Variants in PLAA observed in about 807,000 individuals in gnomAD.
PLAA encodes phospholipase A-2-activating protein.
Under a neutral mutation model 84.1 loss-of-function variants are expected in PLAA, and 48 were observed. The ratio of observed to expected loss-of-function variants is 0.57; its 90% CI spans 0.45 to 0.73. PLAA has a LOEUF of 0.73. PLAA is among the 30% of genes least tolerant of loss of function. The probability of loss-of-function intolerance (pLI) is 0.00; values close to 1 mark genes in which losing one functional copy is unlikely to be tolerated. For missense variants in PLAA, 903 were observed against 954.7 expected (o/e 0.95, Z 0.71); for synonymous variants, 392 against 336.6 (o/e 1.16, Z -1.80).
intron 1 of PLAA, among the ~76,000 whole-genome samples, chr9:26,940,613 C>A (rs1825501090): frequency 2.0e-5 from 3 of 152,082 alleles, no homozygotes; most frequent in South Asian, 4.1e-4. Context: ...TACCATTGAA[C>A]TGTACAGTTT....
chr9:26,917,211 G>A (rs573498363), intron 9 of PLAA, 46 bp from the exon 10 acceptor site: 1 of 1,516,288 alleles, frequency 6.6e-7, no homozygotes, highest in African/African-American at 1.4e-5. Flanking sequence ...CCAAAGTTCT[G>A]AATTTTTCAA....
rs141172406 is a variant in PLAA at position 26,905,730 on chromosome 9, G to A, written c.2169C>T (p.Ala723=). The change falls in exon 14 of 14, where the codon GCC becomes GCT. Residue 723 remains alanine (A), a synonymous_variant. Transcript: ENST00000397292. Reference sequence around the variant, plus strand: ...TTGTGCTAATTAGTGACAAACATTGGGCTTTCCCTTCAATGTTATGGTCTT... The same window carrying A: ...TTGTGCTAATTAGTGACAAACATTGAGCTTTCCCTTCAATGTTATGGTCTT... ...FHKDHNIEGK[A]QCLSLISTIL... 1.9e-6 allele frequency: 3 copies of A among 1,613,716 alleles called. No individual in the cohort carries two copies. In the African/African-American group the frequency reaches 4.0e-5, roughly 22 times the overall value.
At chr9:26,914,227 C>T (rs534037255) in intron 10 of PLAA, among the ~76,000 whole-genome samples, 2 of 151,942 alleles carry the variant, frequency 1.3e-5, no homozygotes, top group African/African-American at 4.8e-5. Context: ...TAAAAGTTTC[C>T]AGAATAAAAT....
chr9:26,915,943 A>T, intron 10 of PLAA: 1 of 985,444 alleles, frequency 1.0e-6, no homozygotes, highest in Non-Finnish European at 1.2e-6. Context: ...AAGCCATCTT[A>T]TCTACTCTTC....
At chr9:26,943,772 C>T (rs10967614) in intron 1 of PLAA, among the ~76,000 whole-genome samples, 14,984 of 151,842 alleles carry the variant, frequency 0.099, 1,564 homozygotes, top group East Asian at 0.58. Flanking sequence ...TCTAGTAAGA[C>T]GCTCATCTCT....
intron 1 of PLAA, among the ~76,000 whole-genome samples, chr9:26,944,045 T>C (rs1037427236): frequency 6.6e-6 from 1 of 152,170 alleles, no homozygotes; most frequent in Non-Finnish European, 1.5e-5. Flanking sequence ...TGCAACCATG[T>C]TGAGAAGTAG....
chr9:26,906,188 G>T, intron 13 of PLAA, 112 bp from the exon 14 acceptor site: 1 of 622,964 alleles, frequency 1.6e-6, no homozygotes, highest in Non-Finnish European at 2.5e-6. Flanking sequence ...TTTAGAAAAT[G>T]TGAAAAATCA....
chr9:26,944,117 T>C (rs979386477), intron 1 of PLAA, among the ~76,000 whole-genome samples: 1 of 152,290 alleles, frequency 6.6e-6, no homozygotes, highest in Admixed American at 6.5e-5. Context: ...AATGTCATTA[T>C]TGCGGGACTG....
Position 26,920,212 on chromosome 9 carries a change from T to C in PLAA, c.1197+15A>G. On this transcript the variant is annotated intron_variant, in intron 8 of 13. Transcript: ENST00000397292. ...ATTTAAGACAATAGTAATTAGAAAG[T>C]AGAAGTCGACATACTTTCCCTTCAT... 1 of 1,606,542 alleles carries C rather than the reference T, an allele frequency of 6.2e-7. No homozygotes were observed. Among genetic ancestry groups the C allele is most frequent in the Non-Finnish European group, 8.5e-7 (1 of 1,173,658 alleles).
rs1354785220 is a variant in PLAA at position 26,905,376 on chromosome 9, C to G, written c.*135G>C. On this transcript the variant is annotated 3_prime_UTR_variant, in exon 14 of 14. Transcript: ENST00000397292. ...CAAAAATTTTATTTCTGTTTCCCCT[C>G]CCCACCACTTTACAAGATGTAAAAT... is the stretch of plus-strand genomic sequence containing the variant. The G allele has an allele frequency of 2.9e-6, 2 of 693,108 alleles. No homozygotes were observed. The highest frequency in any genetic ancestry group is 3.6e-5 in the African/African-American group (2 of 55,548). The allele number at this position is 693,108 out of a possible 1,614,324, so 42.9% of individuals were successfully genotyped here. A position where few individuals can be genotyped will look rare whatever the true frequency, so the allele number is the denominator to read the frequency against.
intron 1 of PLAA, among the ~76,000 whole-genome samples, chr9:26,935,998 A>T (rs7045881): frequency 0.11 from 17,155 of 152,082 alleles, 1,084 homozygotes; most frequent in South Asian, 0.23. Context: ...CAACCAGCAG[A>T]TTATGATTTA....
At position 26,909,709 on chromosome 9, in the gene PLAA, C is replaced by CA. The variant is rs1485513014; in HGVS notation, c.1657+628dup. On this transcript the variant is annotated intron_variant, in intron 12 of 13. Transcript: ENST00000397292. The stretch of plus-strand genomic sequence containing the variant: ...GATCTCGGGCTCACTGCAACTCCTC[C>CA]ACCTCCCAGGTTCAAGTGATTCTCG... Among the ~76,000 whole-genome samples the CA allele has an allele frequency of 3.3e-5, 5 of 152,166 alleles. No homozygotes were observed. In the East Asian group the frequency reaches 7.7e-4, roughly 24 times the overall value.
At chr9:26,920,520 T>C (rs1382210995) in intron 7 of PLAA, 136 bp from the exon 8 acceptor site, 6 of 527,624 alleles carry the variant, frequency 1.1e-5, no homozygotes, top group Non-Finnish European at 1.9e-5. Flanking sequence ...TTGTATCAAA[T>C]AAAAGATTTA....
At position 26,905,670 on chromosome 9, in the gene PLAA, A is replaced by T; in HGVS notation, c.2229T>A (p.Phe743Leu). 2 of 1,614,204 alleles carry T rather than the reference A, an allele frequency of 1.2e-6. No individual in the cohort carries two copies. Among genetic ancestry groups the T allele is most frequent in the African/African-American group, 2.7e-5 (2 of 75,076 alleles). The change falls in exon 14 of 14, where the codon TTT becomes TTA. Residue 743 changes from phenylalanine to leucine, a missense_variant. Phe to Leu is a conservative substitution (Grantham distance 22). Coordinates refer to ENST00000397292, the MANE Select transcript of PLAA (RefSeq NM_001031689.3). ...GTGTTCCAAGAGCCACAAGAAGTCTAAAAGTGGCTTCTAGGTCTTGTACTA... is the reference window on the plus strand; with the variant it reads ...GTGTTCCAAGAGCCACAAGAAGTCTTAAAGTGGCTTCTAGGTCTTGTACTA... Reference protein sequence around the residue: ...LEVVQDLEATFRLLVALGTLI... With the variant: ...LEVVQDLEATLRLLVALGTLI...
At position 26,905,676 on chromosome 9, in the gene PLAA, G is replaced by A. The variant is rs1368318564; in HGVS notation, c.2223C>T (p.Ala741=). ...TILEVVQDLE[A]TFRLLVALGT... is the part of the protein sequence containing the mutation. ...CAAGAGCCACAAGAAGTCTAAAAGT[G>A]GCTTCTAGGTCTTGTACTACTTCCA... The change falls in exon 14 of 14, where the codon GCC becomes GCT. Residue 741 remains alanine (A), a synonymous_variant. Coordinates refer to ENST00000397292, the MANE Select transcript of PLAA (RefSeq NM_001031689.3). 6.2e-7 allele frequency: 1 copy of A among 1,614,152 alleles called. No individual in the cohort carries two copies. The highest frequency in any genetic ancestry group is 8.5e-7 in the Non-Finnish European group (1 of 1,180,016).
Position 26,947,185 on chromosome 9 carries a change from G to A in PLAA, c.-140C>T, listed in dbSNP as rs1285962764. 4 of 1,016,604 alleles carry A rather than the reference G, an allele frequency of 3.9e-6. No homozygotes were observed. The Admixed American group carries it at 1.1e-4, about 27-fold the overall frequency. The allele number at this position is 1,016,604 out of a possible 1,614,324, so 63.0% of individuals were successfully genotyped here. A position where few individuals can be genotyped will look rare whatever the true frequency, so the allele number is the denominator to read the frequency against. ...GGAGACCGGAAGAGCCCGAGAGCCGGTACGGAAGGGCGGCTGGGAAGGGGC... is the reference window on the plus strand; with the variant it reads ...GGAGACCGGAAGAGCCCGAGAGCCGATACGGAAGGGCGGCTGGGAAGGGGC... On this transcript the variant is annotated 5_prime_UTR_variant, in exon 1 of 14. Transcript: ENST00000397292.
intron 1 of PLAA, among the ~76,000 whole-genome samples, chr9:26,940,893 C>T (rs1825513451): frequency 6.6e-6 from 1 of 151,982 alleles, no homozygotes; most frequent in African/African-American, 2.4e-5. Context: ...ACCATTTTAT[C>T]AATAAGCCCA....
chr9:26,908,312 G>A (rs779884850), intron 12 of PLAA, among the ~76,000 whole-genome samples: 15 of 143,264 alleles, frequency 1.0e-4, no homozygotes, highest in Middle Eastern at 9.0e-3. Context: ...GACTATAGGC[G>A]CCTGCCACCA....
intron 1 of PLAA, among the ~76,000 whole-genome samples, chr9:26,945,697 C>T (rs1339484126): frequency 6.6e-6 from 1 of 152,158 alleles, no homozygotes; most frequent in Non-Finnish European, 1.5e-5. Context: ...TCTGCAAACT[C>T]CATAACCTGG....
Sources: gnomAD v4.1 joint callset for allele counts (sites outside exome capture counted in the v4.1 genomes callset) on GRCh38, gnomAD v4.1.1 for gene constraint, MANE v1.5 for transcripts, NCBI Gene and HGNC (gene_info 2026-07-23, HGNC 2026-07-21) for gene names.